XIRP2: variants seen among roughly 807,000 people sequenced by gnomAD.
The protein encoded by XIRP2 is xin actin binding repeat containing 2, also known as xin actin-binding repeat-containing protein 2.
Under a neutral mutation model 277.0 loss-of-function variants are expected in XIRP2, and 236 were observed. The ratio of observed to expected loss-of-function variants is 0.85; its 90% CI spans 0.77 to 0.95. The LOEUF (loss-of-function observed/expected upper bound fraction) is 0.95, where lower values mean the gene tolerates loss of function less well. Among genes scored for constraint, XIRP2 ranks in the 40% least tolerant of loss-of-function variants. The pLI is 0.00. For synonymous variants in XIRP2, 1,490 were observed against 1,416.5 expected (o/e 1.05, Z -1.17); for missense variants, 4,640 against 4,157.5 (o/e 1.12, Z -3.19).
At chr2:167,055,012 AG>A (rs1447218601) in intron 2 of XIRP2, among the ~76,000 whole-genome samples, 1 of 151,952 alleles carries the variant, frequency 6.6e-6, no homozygotes, top group African/African-American at 2.4e-5. Context: ...TTTTGATCAA[AG>A]CTAGCTGTAG....
At chr2:167,227,426 G>A (rs1694636089) in intron 5 of XIRP2, among the ~76,000 whole-genome samples, 1 of 152,116 alleles carries the variant, frequency 6.6e-6, no homozygotes, top group Non-Finnish European at 1.5e-5. Context: ...AAATAAACTA[G>A]CCTATAATCC....
chr2:167,248,246 G>A lies in XIRP2; in HGVS notation c.6854G>A (p.Ser2285Asn), dbSNP rs761701829. 3.1e-6 allele frequency: 5 copies of A among 1,611,974 alleles called. No individual in the cohort carries two copies. Among genetic ancestry groups the A allele is most frequent in the Non-Finnish European group, 3.4e-6 (4 of 1,179,202 alleles). The change falls in exon 9 of 11, where the codon AGT becomes AAT. Residue 2285 changes from serine to asparagine, a missense_variant. Coordinates refer to ENST00000409195, the MANE Select transcript of XIRP2 (RefSeq NM_152381.6). ...NFNPENNVKESECPLPPPSPP... is the reference protein window; with the variant it reads ...NFNPENNVKENECPLPPPSPP... ...AACCCTGAGAATAATGTAAAAGAAA[G>A]TGAGTGCCCCCTTCCACCTCCATCT... is the stretch of plus-strand genomic sequence containing the variant.
At chr2:167,019,401 G>A (rs1003533564) in intron 2 of XIRP2, among the ~76,000 whole-genome samples, 2 of 152,020 alleles carry the variant, frequency 1.3e-5, no homozygotes, top group African/African-American at 4.8e-5. Context: ...GGAGAGTAAG[G>A]CATGGATAAG....
At chr2:167,111,120 A>G (rs1024736745) in intron 2 of XIRP2, among the ~76,000 whole-genome samples, 4 of 152,266 alleles carry the variant, frequency 2.6e-5, no homozygotes, top group Non-Finnish European at 5.9e-5. Context: ...TCAACTGCAA[A>G]GAGGAATAAT....
intron 3 of XIRP2, among the ~76,000 whole-genome samples, chr2:167,162,220 C>A (rs112626817): frequency 1.3e-5 from 2 of 152,332 alleles, no homozygotes; most frequent in African/African-American, 4.8e-5. Context: ...CCAAACTGTT[C>A]CAACATCTGC....
At position 167,240,275 on chromosome 2, in the gene XIRP2, T is replaced by G. The variant is rs574928611; in HGVS notation, c.969+310T>G. Among the ~76,000 whole-genome samples, 11 of 152,074 alleles carry G rather than the reference T, an allele frequency of 7.2e-5. No homozygotes were observed. In the East Asian group the frequency reaches 2.1e-3, roughly 29 times the overall value. ...AAAAATACAAAAAAAGTTAGCCAGG[T>G]GTGCTGGTATGTGCCTGTAATCCCA... On this transcript the variant is annotated intron_variant, in intron 6 of 10. Transcript: ENST00000409195.
intron 2 of XIRP2, among the ~76,000 whole-genome samples, chr2:167,100,325 C>A (rs1023167438): frequency 1.3e-5 from 2 of 151,984 alleles, no homozygotes; most frequent in African/African-American, 4.8e-5. Flanking sequence ...AGAATTCTTT[C>A]AAATCTTTCA....
intron 2 of XIRP2, among the ~76,000 whole-genome samples, chr2:166,989,523 T>A (rs941114681): frequency 5.2e-5 from 2 of 38,690 alleles, no homozygotes; most frequent in African/African-American, 3.1e-4. Flanking sequence ...CAAATTACTC[T>A]GAGCTACAGG....
At position 167,230,947 on chromosome 2, in the gene XIRP2, A is replaced by G. The variant is rs188556844; in HGVS notation, c.859-8908A>G. Among the ~76,000 whole-genome samples the G allele has an allele frequency of 6.6e-5, 10 of 152,208 alleles. No individual in the cohort carries two copies. In the South Asian group the frequency reaches 1.7e-3, roughly 25 times the overall value. ...TAATGAATTTTGGCCATAACGCAAC[A>G]GTCCTACCACGCCAATCTCTTACAA... On this transcript the variant is annotated intron_variant, in intron 5 of 10. Coordinates refer to ENST00000409195, the MANE Select transcript of XIRP2 (RefSeq NM_152381.6).
At position 167,250,666 on chromosome 2, in the gene XIRP2, G is replaced by C. The variant is rs1156732433; in HGVS notation, c.9274G>C (p.Val3092Leu). ...AGTAGCAGCTCATCATGAAGCAACT[G>C]TTCGTAGTCACGTGAAAACCCATCA... is the stretch of plus-strand genomic sequence containing the variant. ...HQVAAHHEATVRSHVKTHQEI... is the reference protein window; with the variant it reads ...HQVAAHHEATLRSHVKTHQEI... Residue 3092 changes from valine (V) to leucine (L), a missense_variant, in exon 9 of 11, where the codon GTT becomes CTT. Physicochemically the swap from Val to Leu is conservative, Grantham distance 32. Transcript: ENST00000409195. The C allele has an allele frequency of 3.7e-6, 6 of 1,613,372 alleles. No homozygotes were observed. The highest frequency in any genetic ancestry group is 3.4e-6 in the Non-Finnish European group (4 of 1,179,726).
At chr2:166,968,551 T>C (rs552062033) in intron 2 of XIRP2, among the ~76,000 whole-genome samples, 1 of 152,084 alleles carries the variant, frequency 6.6e-6, no homozygotes, top group East Asian at 1.9e-4. Context: ...GATGCTTCAT[T>C]TGCCATAGAA....
In XIRP2 at chr2:167,070,771, G is replaced by A. The variant is rs145052305; in HGVS notation, c.409-65138G>A. ...TTGGAGCATACCAGGCTCAAGGAAA[G>A]TTGTTTTATCCATACCATGACTTTG... On this transcript the variant is annotated intron_variant, in intron 2 of 10. Coordinates refer to ENST00000409195, the MANE Select transcript of XIRP2 (RefSeq NM_152381.6). Among the ~76,000 whole-genome samples the A allele has an allele frequency of 6.8e-4, 103 of 152,248 alleles. 1 individual carries two copies. In the East Asian group the frequency reaches 0.016, roughly 23 times the overall value.
chr2:167,029,101 C>T (rs1266514893), intron 2 of XIRP2, among the ~76,000 whole-genome samples: 2 of 151,948 alleles, frequency 1.3e-5, no homozygotes, highest in Non-Finnish European at 2.9e-5. Context: ...AAACCTATGA[C>T]TTAATGGTCT....
chr2:167,242,801 C>G lies in XIRP2; in HGVS notation c.1409C>G (p.Ser470Cys). 1 of 1,614,052 alleles carries G rather than the reference C, an allele frequency of 6.2e-7. No individual in the cohort carries two copies. Among genetic ancestry groups the G allele is most frequent in the Non-Finnish European group, 8.5e-7 (1 of 1,179,934 alleles). ...LQTSVDVTAF[S>C]QSPELPSPPR... ...ACTTCAGTAGATGTGACAGCATTTT[C>G]CCAGTCCCCTGAACTGCCCAGTCCT... Residue 470 changes from serine to cysteine, a missense_variant, in exon 9 of 11, where the codon TCC becomes TGC. Physicochemically the swap from Ser to Cys is moderately radical, Grantham distance 112. Coordinates refer to ENST00000409195, the MANE Select transcript of XIRP2 (RefSeq NM_152381.6).
Position 167,259,411 on chromosome 2 carries a change from GA to G in XIRP2, c.*1595del, listed in dbSNP as rs765945685. The G allele has an allele frequency of 2.7e-6, 4 of 1,502,736 alleles. No homozygotes were observed. The highest frequency in any genetic ancestry group is 3.6e-6 in the Non-Finnish European group (4 of 1,123,550). 93.1% of individuals were successfully genotyped at this position (1,502,736 alleles called of 1,614,324 possible). On this transcript the variant is annotated 3_prime_UTR_variant, in exon 11 of 11. Transcript: ENST00000409195. ...CCACACTTAGGCACTGAGAGATATT[GA>G]TGTTCTGAAATAAGATTTTATGAAT...
At chr2:167,139,674 T>A (rs575108163) in intron 3 of XIRP2, among the ~76,000 whole-genome samples, 2 of 152,306 alleles carry the variant, frequency 1.3e-5, no homozygotes, top group Admixed American at 1.3e-4. Flanking sequence ...TGTATATGTA[T>A]TTGTGTGATT....
At chr2:167,058,565 T>G (rs900763020) in intron 2 of XIRP2, among the ~76,000 whole-genome samples, 1 of 152,178 alleles carries the variant, frequency 6.6e-6, no homozygotes, top group African/African-American at 2.4e-5. Context: ...CAGATTTCCT[T>G]GACAAGTCCT....
At chr2:166,970,274 A>C (rs947486437) in intron 2 of XIRP2, among the ~76,000 whole-genome samples, 4 of 152,006 alleles carry the variant, frequency 2.6e-5, no homozygotes, top group Non-Finnish European at 4.4e-5. Flanking sequence ...TTGACTTGCC[A>C]TTTAGGAATG....
intron 2 of XIRP2, among the ~76,000 whole-genome samples, chr2:166,998,433 C>A (rs927045674): frequency 6.6e-6 from 1 of 151,962 alleles, no homozygotes; most frequent in East Asian, 1.9e-4. Flanking sequence ...GTCAGGAGAT[C>A]GAGACCATCC....
Sources: gnomAD v4.1 joint callset for allele counts (sites outside exome capture counted in the v4.1 genomes callset) on GRCh38, gnomAD v4.1.1 for gene constraint, MANE v1.5 for transcripts, NCBI Gene and HGNC (gene_info 2026-07-23, HGNC 2026-07-21) for gene names.